Variants in PLEKHN1 observed in about 807,000 individuals in gnomAD.
PLEKHN1 encodes pleckstrin homology domain containing N1, also known as pleckstrin homology domain-containing family N member 1.
PLEKHN1 carries 68 observed loss-of-function variants against 72.8 expected under a neutral mutation model. That is an observed-to-expected ratio of 0.93 (90% confidence interval 0.77 to 1.14). PLEKHN1 has a LOEUF of 1.14. Ranked by LOEUF, PLEKHN1 falls within the 50% of genes most tolerant of loss-of-function variation. The pLI is 0.00. For missense variants in PLEKHN1, 1,015 were observed against 840.5 expected (o/e 1.21, Z -2.57); for synonymous variants, 454 against 371.6 (o/e 1.22, Z -2.55).
intron 2 of PLEKHN1, among the ~76,000 whole-genome samples, chr1:969,484 A>G (rs924924178): frequency 2.6e-5 from 4 of 151,526 alleles, no homozygotes; most frequent in Admixed American, 2.0e-4. Flanking sequence ...GCATGTGTGC[A>G]TGCATGTGTG....
intron 8 of PLEKHN1, 125 bp downstream of exon 8, chr1:971,529 C>G (rs1182320007): frequency 1.1e-5 from 10 of 919,962 alleles, no homozygotes; most frequent in Non-Finnish European, 1.7e-5. Context: ...CCCTGCCCAC[C>G]CAGCCCGCGG....
intron 2 of PLEKHN1, among the ~76,000 whole-genome samples, chr1:969,538 A>G (rs1643180421): frequency 6.6e-6 from 1 of 151,456 alleles, no homozygotes; most frequent in Non-Finnish European, 1.5e-5. Flanking sequence ...GCACGTGTGT[A>G]TGTGCACGTG....
intron 8 of PLEKHN1, among the ~76,000 whole-genome samples, chr1:971,675 G>T (rs546421712): frequency 6.6e-6 from 1 of 152,330 alleles, no homozygotes; most frequent in African/African-American, 2.4e-5. Flanking sequence ...TCCCTTGTGT[G>T]TGCCTGCCCG....
rs1643480224 is a variant in PLEKHN1 at position 973,951 on chromosome 1, A to G, written c.1553A>G (p.Tyr518Cys). Residue 518 changes from tyrosine to cysteine, a missense_variant, in exon 14 of 16, where the codon TAC becomes TGC. Transcript: ENST00000379410. ...RSCSSGPAGPYLLSKKGALQS... is the reference protein window; with the variant it reads ...RSCSSGPAGPCLLSKKGALQS... Reference sequence around the variant, plus strand: ...TGCTCCTCCGGCCCCGCTGGCCCCTACTTGCTCTCCAAGAAGGGAGCCCTG... The same window carrying G: ...TGCTCCTCCGGCCCCGCTGGCCCCTGCTTGCTCTCCAAGAAGGGAGCCCTG... The G allele has an allele frequency of 6.2e-7, 1 of 1,610,458 alleles. No homozygotes were observed. The highest frequency in any genetic ancestry group is 8.5e-7 in the Non-Finnish European group (1 of 1,179,726).
In PLEKHN1 at chr1:971,226, G is replaced by A. The variant is rs1202516639; in HGVS notation, c.708+18G>A. 2 of 1,564,146 alleles carry A rather than the reference G, an allele frequency of 1.3e-6. No homozygotes were observed. Among genetic ancestry groups the A allele is most frequent in the South Asian group, 1.2e-5 (1 of 85,212 alleles). ...CCGCACAGGTGGGTGGGAGGTGCGT[G>A]GGGCTGTAGGGGGATGGGAGGGGTG... On this transcript the variant is annotated intron_variant, in intron 7 of 15. Transcript: ENST00000379410.
At position 973,573 on chromosome 1, in the gene PLEKHN1, A is replaced by C. The variant is rs768226033; in HGVS notation, c.1367A>C (p.Tyr456Ser). 6.2e-7 allele frequency: 1 copy of C among 1,612,824 alleles called. No individual in the cohort carries two copies. The highest frequency in any genetic ancestry group is 1.7e-5 in the Admixed American group (1 of 59,984). Reference protein sequence around the residue: ...HTSETSHSPLYADPYTPPATS... With the variant: ...HTSETSHSPLSADPYTPPATS... ...TCGGAAACATCACACTCGCCCCTCTATGCCGACCCCTACACACCACCCGCC... is the reference window on the plus strand; with the variant it reads ...TCGGAAACATCACACTCGCCCCTCTCTGCCGACCCCTACACACCACCCGCC... The change falls in exon 13 of 16, where the codon TAT becomes TCT. Residue 456 changes from tyrosine (Y) to serine (S), a missense_variant. Physicochemically the swap from Tyr to Ser is moderately radical, Grantham distance 144. Coordinates refer to ENST00000379410, the MANE Select transcript of PLEKHN1 (RefSeq NM_032129.3).
chr1:970,759 G>A lies in PLEKHN1; in HGVS notation c.484+1G>A. 1 of 1,612,614 alleles carries A rather than the reference G, an allele frequency of 6.2e-7. No individual in the cohort carries two copies. The highest frequency in any genetic ancestry group is 8.5e-7 in the Non-Finnish European group (1 of 1,179,808). ...CGAGAGCACGCCTTCCAGATCACAGGTGTTTGGGATGCTTCCCGGGCCCCC... is the reference window on the plus strand; with the variant it reads ...CGAGAGCACGCCTTCCAGATCACAGATGTTTGGGATGCTTCCCGGGCCCCC... On this transcript the variant is annotated splice_donor_variant, in intron 5 of 15. Coordinates refer to ENST00000379410, the MANE Select transcript of PLEKHN1 (RefSeq NM_032129.3). LOFTEE classifies it high-confidence loss of function. This position sits in a 1 kb window ranked among gnomAD's most constrained non-coding sequence, Gnocchi z 4.2.
In PLEKHN1 at chr1:970,378, AGTT is replaced by A. The variant is rs1259690976; in HGVS notation, c.288_290del (p.Val97del). The stretch of plus-strand genomic sequence containing the variant: ...GGGTGCCTGTGAGGAACCTGGGAAA[AGTT>A]GTGCATTACGCCAAGGTCCAGCTGC... On this transcript the variant is annotated inframe_deletion, in exon 3 of 16. Transcript: ENST00000379410. This position sits in a 1 kb window ranked among gnomAD's most constrained non-coding sequence, Gnocchi z 4.2. 3.1e-6 allele frequency: 5 copies of A among 1,613,318 alleles called. No individual in the cohort carries two copies. Among genetic ancestry groups the A allele is most frequent in the Admixed American group, 3.3e-5 (2 of 59,978 alleles).
chr1:971,151 A>AC lies in PLEKHN1; in HGVS notation c.654dup (p.Gly219ArgfsTer70). On this transcript the variant is annotated frameshift_variant, in exon 7 of 16. Transcript: ENST00000379410. LOFTEE classifies it high-confidence loss of function. ...GGCTGCGGACGGCGTCAGGGCACGAACCCGGCGGCAGTGCTGTCTGTGCCT... is the reference window on the plus strand; with the variant it reads ...GGCTGCGGACGGCGTCAGGGCACGAACCCCGGCGGCAGTGCTGTCTGTGCCT... 1 of 1,599,752 alleles carries AC rather than the reference A, an allele frequency of 6.3e-7. No individual in the cohort carries two copies. The highest frequency in any genetic ancestry group is 1.1e-5 in the South Asian group (1 of 88,770).
rs774174851 is a variant in PLEKHN1, at chr1:971,392, G to T, written c.777G>T (p.Gly259=). The T allele has an allele frequency of 7.6e-6, 12 of 1,583,658 alleles. No homozygotes were observed. The highest frequency in any genetic ancestry group is 1.0e-5 in the Non-Finnish European group (12 of 1,166,228). Residue 259 remains glycine, a synonymous_variant, in exon 8 of 16, where the codon GGG becomes GGT. Coordinates refer to ENST00000379410, the MANE Select transcript of PLEKHN1 (RefSeq NM_032129.3). The part of the protein sequence containing the change: ...SLAIFSEELD[G]LCFKGELPLR... The stretch of plus-strand genomic sequence containing the variant: ...CCATTTTCTCCGAGGAGCTGGACGG[G>T]CTTTGCTTCAAGGTGGGCCCCTCCC...
chr1:966,907 C>A, intron 2 of PLEKHN1, 104 bp downstream of exon 2: 1 of 1,256,062 alleles, frequency 8.0e-7, no homozygotes, highest in Non-Finnish European at 1.1e-6. Context: ...GCCCCCGGGG[C>A]GTTCAGACCC....
chr1:973,447 G>A (rs879486015), intron 12 of PLEKHN1, 53 bp from the exon 13 acceptor site: 2 of 1,599,118 alleles, frequency 1.3e-6, no homozygotes, highest in South Asian at 1.1e-5. Flanking sequence ...GAGAAGGGGT[G>A]GCCTAGGCTG....
chr1:974,686 G>A lies in PLEKHN1; in HGVS notation c.*111G>A, dbSNP rs984701784. ...GGGTCTGAACCCAGTGTGATGGGGG[G>A]AGTCTCTGGGGCCCTGAGTTCAGAG... On this transcript the variant is annotated 3_prime_UTR_variant, in exon 16 of 16. Coordinates refer to ENST00000379410, the MANE Select transcript of PLEKHN1 (RefSeq NM_032129.3). 3 of 1,354,440 alleles carry A rather than the reference G, an allele frequency of 2.2e-6. No homozygotes were observed. Among genetic ancestry groups the A allele is most frequent in the Non-Finnish European group, 3.0e-6 (3 of 1,015,298 alleles). 83.9% of individuals were successfully genotyped at this position (1,354,440 alleles called of 1,614,324 possible).
In PLEKHN1 at chr1:970,480, G is replaced by T. The variant is rs1643250784; in HGVS notation, c.331-41G>T. 6.2e-7 allele frequency: 1 copy of T among 1,613,076 alleles called. No homozygotes were observed. Among genetic ancestry groups the T allele is most frequent in the Non-Finnish European group, 8.5e-7 (1 of 1,179,938 alleles). On this transcript the variant is annotated intron_variant, in intron 3 of 15. Coordinates refer to ENST00000379410, the MANE Select transcript of PLEKHN1 (RefSeq NM_032129.3). This position sits in a 1 kb window ranked among gnomAD's most constrained non-coding sequence, Gnocchi z 4.2. The stretch of plus-strand genomic sequence containing the variant: ...GGTGCAGCATCCCCATCAGCCTGGG[G>T]CTCCCCAGACTCCGCACTGACGACC...
In PLEKHN1 at chr1:975,806, G is replaced by A. The variant is rs775356422; in HGVS notation, c.*1231G>A. On this transcript the variant is annotated 3_prime_UTR_variant, in exon 16 of 16. Transcript: ENST00000379410. The stretch of plus-strand genomic sequence containing the variant: ...CCCTGCACCCCAGAAGAAACGCAGG[G>A]TGCGGTTGCATTTGATTTCAGATAA... 7 of 224,136 alleles carry A rather than the reference G, an allele frequency of 3.1e-5. No individual in the cohort carries two copies. Among genetic ancestry groups the A allele is most frequent in the East Asian group, 2.5e-4 (2 of 7,956 alleles). 13.9% of individuals were successfully genotyped at this position (224,136 alleles called of 1,614,324 possible). A position where few individuals can be genotyped will look rare whatever the true frequency, so the allele number is the denominator to read the frequency against.
Position 966,766 on chromosome 1 carries a change from C to A in PLEKHN1, c.146C>A (p.Ala49Asp), listed in dbSNP as rs1643007305. The change falls in exon 2 of 16, where the codon GCC becomes GAC. Residue 49 changes from alanine to aspartate, a missense_variant. Physicochemically the swap from Ala to Asp is moderately radical, Grantham distance 126 (BLOSUM62 -2). Coordinates refer to ENST00000379410, the MANE Select transcript of PLEKHN1 (RefSeq NM_032129.3). ...PGPEAARSGD[A>D]AANKLFHYIP... ...CCCGAGGCTGCTCGAAGCGGGGACG[C>A]CGCCGCCAACAAGCTCTTCCACTAC... is the stretch of plus-strand genomic sequence containing the variant. 2 of 1,571,688 alleles carry A rather than the reference C, an allele frequency of 1.3e-6. No homozygotes were observed. The highest frequency in any genetic ancestry group is 1.7e-6 in the Non-Finnish European group (2 of 1,159,738).
In PLEKHN1 at chr1:973,787, G is replaced by C. The variant is rs138181163; in HGVS notation, c.1435-46G>C. 3.2e-4 allele frequency: 509 copies of C among 1,587,698 alleles called. No homozygotes were observed. In the African/African-American group the frequency reaches 6.1e-3, roughly 19 times the overall value. On this transcript the variant is annotated intron_variant, in intron 13 of 15. Coordinates refer to ENST00000379410, the MANE Select transcript of PLEKHN1 (RefSeq NM_032129.3). The stretch of plus-strand genomic sequence containing the variant: ...CTCTGATGGGAGGTTGAGGTTCTGG[G>C]GGCCCCTGGCTGCCACCCAGGCCCC...
chr1:974,205 G>C, intron 14 of PLEKHN1, 111 bp from the exon 15 acceptor site: 1 of 1,545,272 alleles, frequency 6.5e-7, no homozygotes, highest in South Asian at 1.1e-5. Flanking sequence ...GGGGAGATGG[G>C]ACTGGGGAGG....
At chr1:971,295 A>T (rs772315354) in intron 7 of PLEKHN1, 29 bp from the exon 8 acceptor site, 61 of 1,556,516 alleles carry the variant, frequency 3.9e-5, no homozygotes, top group Non-Finnish European at 5.3e-5. Context: ...CAGTTCCCTC[A>T]TCGCCTGACC....
Sources: gnomAD v4.1 joint callset for allele counts (sites outside exome capture counted in the v4.1 genomes callset) on GRCh38, gnomAD v4.1.1 for gene constraint, Gnocchi (gnomAD v3.1) non-coding constraint, MANE v1.5 for transcripts, NCBI Gene and HGNC (gene_info 2026-07-23, HGNC 2026-07-21) for gene names.